Variants in VPS41 observed in about 807,000 individuals in gnomAD.
VPS41 encodes the protein VPS41 subunit of HOPS complex.
VPS41 carries 85 observed loss-of-function variants against 130.9 expected under a neutral mutation model. The ratio of observed to expected loss-of-function variants is 0.65; its 90% CI spans 0.55 to 0.78. The LOEUF is 0.78. Among genes scored for constraint, VPS41 ranks in the 30% least tolerant of loss-of-function variants. The probability of loss-of-function intolerance (pLI) is 0.00; values close to 1 mark genes in which losing one functional copy is unlikely to be tolerated. For synonymous variants in VPS41, 335 were observed against 332.9 expected (o/e 1.01, Z -0.07); for missense variants, 874 against 1,018.7 (o/e 0.86, Z 1.93).
chr7:38,767,728 A>G, intron 14 of VPS41, 130 bp from the exon 15 acceptor site: 1 of 474,182 alleles, frequency 2.1e-6, no homozygotes, highest in Admixed American at 3.8e-5. Flanking sequence ...TTATACTCTT[A>G]GCTTGCTTTA....
chr7:38,882,053 A>T (rs114654782), intron 2 of VPS41, among the ~76,000 whole-genome samples: 45 of 152,284 alleles, frequency 3.0e-4, no homozygotes, highest in African/African-American at 9.6e-4. Flanking sequence ...ACACAGTACA[A>T]GAATTTCTCA....
At chr7:38,866,750 C>A (rs1221688860) in intron 3 of VPS41, among the ~76,000 whole-genome samples, 1 of 151,952 alleles carries the variant, frequency 6.6e-6, no homozygotes, top group African/African-American at 2.4e-5. Flanking sequence ...GATAATGGAC[C>A]AAATCCTAGG....
At chr7:38,883,988 A>G (rs1010529835) in intron 2 of VPS41, among the ~76,000 whole-genome samples, 4 of 152,254 alleles carry the variant, frequency 2.6e-5, no homozygotes, top group African/African-American at 9.6e-5. Flanking sequence ...CTATGTGGAC[A>G]CTATAACCCT....
At chr7:38,804,318 T>A (rs113347199) in intron 7 of VPS41, among the ~76,000 whole-genome samples, 2 of 152,126 alleles carry the variant, frequency 1.3e-5, no homozygotes, top group African/African-American at 4.8e-5. Context: ...TTTTTTCTGA[T>A]CCTCTCCCTT....
chr7:38,858,105 T>G (rs1317944970), intron 4 of VPS41, among the ~76,000 whole-genome samples: 1 of 152,214 alleles, frequency 6.6e-6, no homozygotes, highest in East Asian at 1.9e-4. Context: ...GGCAAACGTT[T>G]CCTATTCAGA....
At chr7:38,749,065 C>G (rs1796042936) in intron 22 of VPS41, among the ~76,000 whole-genome samples, 1 of 152,148 alleles carries the variant, frequency 6.6e-6, no homozygotes, top group African/African-American at 2.4e-5. Flanking sequence ...TTCCCACAAA[C>G]TCTGTATTTC....
intron 4 of VPS41, among the ~76,000 whole-genome samples, chr7:38,857,395 T>C (rs768613844): frequency 1.7e-4 from 26 of 152,118 alleles, no homozygotes; most frequent in East Asian, 7.7e-4. Context: ...GAAAAACACA[T>C]AAAGGTGAAC....
intron 2 of VPS41, among the ~76,000 whole-genome samples, chr7:38,874,868 C>T (rs1389227055): frequency 1.3e-5 from 2 of 152,124 alleles, no homozygotes; most frequent in Admixed American, 6.5e-5. Context: ...GTGGACCTTA[C>T]AAGCTTAACA....
intron 4 of VPS41, among the ~76,000 whole-genome samples, chr7:38,855,213 A>G (rs1488723713): frequency 6.6e-6 from 1 of 150,698 alleles, no homozygotes; most frequent in East Asian, 1.9e-4. Flanking sequence ...CCTCTCAAAA[A>G]AAAAAAAAAA....
intron 7 of VPS41, among the ~76,000 whole-genome samples, chr7:38,805,741 G>A (rs917872141): frequency 2.0e-5 from 3 of 152,212 alleles, no homozygotes; most frequent in African/African-American, 7.2e-5. Flanking sequence ...TGGTTTTGGG[G>A]CAGACTCACA....
At chr7:38,784,451 A>G (rs1784402428) in intron 10 of VPS41, among the ~76,000 whole-genome samples, 1 of 152,098 alleles carries the variant, frequency 6.6e-6, no homozygotes, top group Non-Finnish European at 1.5e-5. Flanking sequence ...CATGGGCAAC[A>G]AAAGGAGACC....
At chr7:38,820,752 T>C (rs1238297057) in intron 6 of VPS41, among the ~76,000 whole-genome samples, 1 of 152,202 alleles carries the variant, frequency 6.6e-6, no homozygotes, top group Admixed American at 6.5e-5. Context: ...TTCTATTATG[T>C]TGTTCTTCCA....
intron 24 of VPS41, 42 bp from the exon 25 acceptor site, chr7:38,742,163 T>A: frequency 6.5e-7 from 1 of 1,531,948 alleles, no homozygotes; most frequent in Non-Finnish European, 8.8e-7. Context: ...TAAGCAACAT[T>A]ATAATGCAAT....
chr7:38,879,681 C>T (rs558667742), intron 2 of VPS41, among the ~76,000 whole-genome samples: 1 of 152,086 alleles, frequency 6.6e-6, no homozygotes, highest in East Asian at 1.9e-4. Flanking sequence ...GGAGTGCAAC[C>T]TAGATCCTTC....
chr7:38,868,879 C>A (rs938775201), intron 3 of VPS41, among the ~76,000 whole-genome samples: 3 of 152,166 alleles, frequency 2.0e-5, no homozygotes, highest in African/African-American at 7.2e-5. Context: ...GACAGAGTTG[C>A]CAAAACCCGT....
At chr7:38,855,050 A>G (rs780416645) in intron 4 of VPS41, among the ~76,000 whole-genome samples, 1 of 151,982 alleles carries the variant, frequency 6.6e-6, no homozygotes, top group Non-Finnish European at 1.5e-5. Context: ...CTCTACTAAA[A>G]ATATGAAAAC....
intron 2 of VPS41, among the ~76,000 whole-genome samples, chr7:38,877,757 T>G (rs1409929232): frequency 6.6e-6 from 1 of 152,110 alleles, no homozygotes; most frequent in Non-Finnish European, 1.5e-5. Flanking sequence ...ATTACCAAAA[T>G]CAAGGAGAAA....
intron 9 of VPS41, among the ~76,000 whole-genome samples, chr7:38,791,979 T>G (rs1784544499): frequency 6.6e-6 from 1 of 152,118 alleles, no homozygotes; most frequent in Non-Finnish European, 1.5e-5. Context: ...GTTATTATGT[T>G]TAATCCAGAG....
chr7:38,875,169 G>A lies in VPS41; in HGVS notation c.61-5916C>T, dbSNP rs891861691. On this transcript the variant is annotated intron_variant, in intron 2 of 28. Transcript: ENST00000310301. ...GGAATAGTTCCAGTCACTATCACAG[G>A]ATATTAACACATTAACAACACGCAC... 2.0e-5 allele frequency among the ~76,000 whole-genome samples: 3 copies of A among 152,008 alleles called. No homozygotes were observed. In the South Asian group the frequency reaches 6.2e-4, roughly 32 times the overall value.
Sources: allele counts gnomAD v4.1 joint callset (sites outside exome capture counted in the v4.1 genomes callset), GRCh38; gene constraint gnomAD v4.1.1; transcripts MANE v1.5; gene names NCBI Gene and HGNC (gene_info 2026-07-23, HGNC 2026-07-21).